The following IGF1R variants were observed in gnomAD, a reference collection of about 807,000 sequenced individuals.
IGF1R encodes insulin-like growth factor 1 receptor.
A neutral mutation model predicts 144.6 loss-of-function variants in IGF1R; 44 were observed. The ratio of observed to expected loss-of-function variants is 0.30; its 90% CI spans 0.24 to 0.39. The LOEUF is 0.39. IGF1R is among the 10% of genes least tolerant of loss of function. The pLI is 1.00. For missense variants in IGF1R, 1,355 were observed against 1,833.7 expected, an observed-to-expected ratio of 0.74 and a Z score of 4.77; for synonymous variants, 795 against 722.8, an observed-to-expected ratio of 1.10 and a Z score of -1.60.
chr15:98,752,873 T>C (rs942956033), intron 2 of IGF1R, among the ~76,000 whole-genome samples: 2 of 151,798 alleles, frequency 1.3e-5, no homozygotes, highest in African/African-American at 4.8e-5. Context: ...AAACCTAAAA[T>C]AGTAGCCAAA....
At chr15:98,769,603 A>G (rs1376227961) in intron 2 of IGF1R, among the ~76,000 whole-genome samples, 2 of 152,228 alleles carry the variant, frequency 1.3e-5, no homozygotes, top group African/African-American at 4.8e-5. Flanking sequence ...TTGTACTGCT[A>G]GTAATTAAAA....
chr15:98,892,150 T>TC (rs1026050355), intron 3 of IGF1R, among the ~76,000 whole-genome samples: 2 of 152,280 alleles, frequency 1.3e-5, no homozygotes, highest in African/African-American at 4.8e-5. Flanking sequence ...GGGACATTTT[T>TC]CCATCAGCAC....
intron 6 of IGF1R, 89 bp downstream of exon 6, chr15:98,908,988 G>C (rs1041865171): frequency 2.5e-6 from 3 of 1,193,496 alleles, no homozygotes; most frequent in Non-Finnish European, 3.7e-6. Context: ...TTTCCTCTGC[G>C]GCCCCTCCTG....
intron 2 of IGF1R, among the ~76,000 whole-genome samples, chr15:98,757,945 C>G (rs1261636235): frequency 1.3e-5 from 2 of 152,186 alleles, no homozygotes; most frequent in Non-Finnish European, 1.5e-5. Context: ...CGGTGCCTAA[C>G]AATTTGAAAA....
At chr15:98,903,577 G>A (rs1001143788) in intron 5 of IGF1R, among the ~76,000 whole-genome samples, 1 of 152,220 alleles carries the variant, frequency 6.6e-6, no homozygotes, top group Non-Finnish European at 1.5e-5. Context: ...ACTTGTGTAT[G>A]AATGCTGGTA....
chr15:98,739,612 G>A (rs200075027), intron 2 of IGF1R, among the ~76,000 whole-genome samples: 1 of 26,586 alleles, frequency 3.8e-5, no homozygotes, highest in African/African-American at 8.4e-5. Flanking sequence ...TTGCTAAAAA[G>A]AAAAAAAAAT....
At chr15:98,690,810 A>G (rs1018486586) in intron 1 of IGF1R, among the ~76,000 whole-genome samples, 13 of 152,148 alleles carry the variant, frequency 8.5e-5, no homozygotes, top group African/African-American at 2.9e-4. Context: ...GTCCACCTGC[A>G]TAAGAAACTG....
intron 3 of IGF1R, among the ~76,000 whole-genome samples, chr15:98,893,703 G>A (rs2014041425): frequency 6.6e-6 from 1 of 152,214 alleles, no homozygotes; most frequent in Non-Finnish European, 1.5e-5. Context: ...AGCCACCAGA[G>A]TTGTGGCAAA....
intron 2 of IGF1R, among the ~76,000 whole-genome samples, chr15:98,717,964 C>T (rs1418631790): frequency 6.6e-6 from 1 of 152,156 alleles, no homozygotes; most frequent in Non-Finnish European, 1.5e-5. Context: ...CACACGTGCA[C>T]GTGTGCGTGT....
chr15:98,760,472 G>T (rs1035904316), intron 2 of IGF1R, among the ~76,000 whole-genome samples: 1 of 152,220 alleles, frequency 6.6e-6, no homozygotes, highest in Non-Finnish European at 1.5e-5. Flanking sequence ...ATGGTCTCTT[G>T]AAGTGTTACA....
intron 2 of IGF1R, among the ~76,000 whole-genome samples, chr15:98,878,691 AAAAACAACAAC>A (rs1316600755): frequency 3.9e-4 from 54 of 140,112 alleles, no homozygotes; most frequent in African/African-American, 1.6e-3. Flanking sequence ...AAAAAAAAAA[AAAAACAACAAC>A]AAAAAAAAGG....
chr15:98,736,935 C>A (rs943053588), intron 2 of IGF1R, among the ~76,000 whole-genome samples: 3 of 151,990 alleles, frequency 2.0e-5, no homozygotes, highest in Non-Finnish European at 4.4e-5. Flanking sequence ...TCAAAGAGAA[C>A]AACAATTCAC....
At chr15:98,713,012 A>G (rs941767904) in intron 2 of IGF1R, among the ~76,000 whole-genome samples, 1 of 151,396 alleles carries the variant, frequency 6.6e-6, no homozygotes, top group Non-Finnish European at 1.5e-5. Flanking sequence ...TGAGTGGTCA[A>G]CAGCTACCCC....
chr15:98,766,082 T>C (rs11247370), intron 2 of IGF1R, among the ~76,000 whole-genome samples: 36,430 of 151,892 alleles, frequency 0.24, 4,623 homozygotes, highest in East Asian at 0.39. Context: ...TGGGGAAGGG[T>C]GTGGATGAAG....
intron 2 of IGF1R, among the ~76,000 whole-genome samples, chr15:98,738,332 C>A (rs969199505): frequency 6.6e-6 from 1 of 152,180 alleles, no homozygotes; most frequent in African/African-American, 2.4e-5. Context: ...CACACACCAC[C>A]TTGCCTAGCT....
chr15:98,833,990 GT>G (rs1398792628), intron 2 of IGF1R, among the ~76,000 whole-genome samples: 5 of 152,292 alleles, frequency 3.3e-5, no homozygotes, highest in African/African-American at 9.6e-5. Context: ...GAATACAAGG[GT>G]TTGATTTATG....
intron 1 of IGF1R, among the ~76,000 whole-genome samples, chr15:98,680,556 G>A (rs1379733742): frequency 1.3e-5 from 2 of 151,678 alleles, no homozygotes; most frequent in South Asian, 2.1e-4. Context: ...GTGAGCCACC[G>A]CGCCTGGCCT....
intron 2 of IGF1R, among the ~76,000 whole-genome samples, chr15:98,755,845 G>A (rs935836901): frequency 1.4e-5 from 2 of 146,170 alleles, no homozygotes; most frequent in Non-Finnish European, 3.0e-5. Context: ...TCATATTTAA[G>A]TTGTGTATAC....
At chr15:98,663,358 G>A (rs1451200292) in intron 1 of IGF1R, among the ~76,000 whole-genome samples, 1 of 152,234 alleles carries the variant, frequency 6.6e-6, no homozygotes, top group African/African-American at 2.4e-5. Context: ...AGAGAGCTAG[G>A]GGAGAGCACA....
Sources: gnomAD v4.1 joint callset for allele counts (sites outside exome capture counted in the v4.1 genomes callset) on GRCh38, gnomAD v4.1.1 for gene constraint, MANE v1.5 for transcripts, NCBI Gene and HGNC (gene_info 2026-07-23, HGNC 2026-07-21) for gene names.